CNTNAP5: variants seen among roughly 807,000 people sequenced by gnomAD.
CNTNAP5 encodes contactin-associated protein-like 5.
CNTNAP5 carries 72 observed loss-of-function variants against 150.2 expected under a neutral mutation model. That is an observed-to-expected ratio of 0.48 (90% CI 0.40 to 0.58). CNTNAP5 has a LOEUF of 0.58. CNTNAP5 is among the 20% of genes least tolerant of loss of function. The probability of loss-of-function intolerance (pLI) is 0.00; values close to 1 mark genes in which losing one functional copy is unlikely to be tolerated. For missense variants in CNTNAP5, 1,636 were observed against 1,626.2 expected (o/e 1.01, Z -0.10); for synonymous variants, 672 against 619.8 (o/e 1.08, Z -1.25).
intron 8 of CNTNAP5, 137 bp from the exon 9 acceptor site, chr2:124,524,166 G>A: frequency 1.5e-6 from 1 of 689,132 alleles, no homozygotes; most frequent in Non-Finnish European, 2.4e-6. Flanking sequence ...AATCTTCCAA[G>A]GGCTTGTATC....
chr2:124,414,598 C>A (rs964324670), intron 3 of CNTNAP5, among the ~76,000 whole-genome samples: 1 of 152,254 alleles, frequency 6.6e-6, no homozygotes, highest in East Asian at 1.9e-4. Flanking sequence ...CTCATTGGAG[C>A]ACACCATACA....
intron 17 of CNTNAP5, among the ~76,000 whole-genome samples, chr2:124,787,410 T>G (rs12474831): frequency 6.6e-6 from 1 of 152,012 alleles, no homozygotes; most frequent in Non-Finnish European, 1.5e-5. Flanking sequence ...CAGGAGAATG[T>G]AATTGGGGTT....
intron 2 of CNTNAP5, among the ~76,000 whole-genome samples, chr2:124,224,152 A>G (rs1686400033): frequency 6.6e-6 from 1 of 152,136 alleles, no homozygotes; most frequent in Admixed American, 6.6e-5. Context: ...AAGTGAAGAA[A>G]CAAAAGCTTC....
At chr2:124,763,837 A>G (rs769450772) in intron 15 of CNTNAP5, 38 bp downstream of exon 15, 54 of 1,611,888 alleles carry the variant, frequency 3.4e-5, no homozygotes, top group Non-Finnish European at 4.5e-5. Flanking sequence ...TCTCTGCATT[A>G]CATGAGCACA....
At chr2:124,883,057 T>C (rs895236530) in intron 21 of CNTNAP5, among the ~76,000 whole-genome samples, 2 of 135,808 alleles carry the variant, frequency 1.5e-5, no homozygotes, top group African/African-American at 5.5e-5. Flanking sequence ...TATCAATATA[T>C]ATCATCCATT....
intron 15 of CNTNAP5, 28 bp from the exon 16 acceptor site, chr2:124,763,949 C>A (rs1236614779): frequency 3.7e-6 from 6 of 1,606,326 alleles, no homozygotes; most frequent in Non-Finnish European, 5.1e-6. Context: ...AAACGATAAA[C>A]CATGTTGAAG....
At chr2:124,425,724 T>C (rs1169183347) in intron 4 of CNTNAP5, among the ~76,000 whole-genome samples, 1 of 152,118 alleles carries the variant, frequency 6.6e-6, no homozygotes, top group Non-Finnish European at 1.5e-5. Flanking sequence ...CCATAATGCT[T>C]CCCTGTACCG....
In CNTNAP5 at chr2:124,798,086, T is replaced by C. The variant is rs1473933489; in HGVS notation, c.2993-10T>C. The C allele has an allele frequency of 1.3e-6, 2 of 1,594,096 alleles. No individual in the cohort carries two copies. Among genetic ancestry groups the C allele is most frequent in the South Asian group, 1.1e-5 (1 of 88,856 alleles). The stretch of plus-strand genomic sequence containing the variant: ...TTTCAATGTGTGCTCTCCCCTCTTA[T>C]ATTTTGCAGAGGTTTCTGCTGTTTT... On this transcript the variant is annotated splice_polypyrimidine_tract_variant and intron_variant, in intron 18 of 23. Coordinates refer to ENST00000682447, the MANE Select transcript of CNTNAP5 (RefSeq NM_001367498.1).
intron 11 of CNTNAP5, among the ~76,000 whole-genome samples, chr2:124,573,485 C>T (rs1252401304): frequency 6.6e-6 from 1 of 152,156 alleles, no homozygotes; most frequent in East Asian, 1.9e-4. Flanking sequence ...TAGCTTTGTT[C>T]CAAACCCCTA....
intron 20 of CNTNAP5, 140 bp from the exon 21 acceptor site, chr2:124,869,535 C>T (rs1375041883): frequency 6.7e-6 from 4 of 593,998 alleles, no homozygotes; most frequent in Non-Finnish European, 1.2e-5. Context: ...CGAGACCTGT[C>T]TAATCTCTCC....
chr2:124,878,570 A>G (rs1438788563), intron 21 of CNTNAP5, among the ~76,000 whole-genome samples: 1 of 151,712 alleles, frequency 6.6e-6, no homozygotes, highest in Non-Finnish European at 1.5e-5. Context: ...CTTAAATTTT[A>G]CTCTTCTCTC....
intron 19 of CNTNAP5, among the ~76,000 whole-genome samples, chr2:124,817,592 T>A (rs959526467): frequency 2.6e-5 from 4 of 152,180 alleles, no homozygotes; most frequent in Non-Finnish European, 5.9e-5. Flanking sequence ...GCTATAAAAC[T>A]CATTGGATGA....
In CNTNAP5 at chr2:124,790,147, T is replaced by G; in HGVS notation, c.2992+6T>G. On this transcript the variant is annotated splice_donor_region_variant and intron_variant, in intron 18 of 23. Transcript: ENST00000682447. ...AGGGCCCTTTTGCAAAAAAGGTACC[T>G]TAGGCGCTCCTGTTTCTCCTGAGTG... 1 of 1,607,466 alleles carries G rather than the reference T, an allele frequency of 6.2e-7. No homozygotes were observed. Among genetic ancestry groups the G allele is most frequent in the Non-Finnish European group, 8.5e-7 (1 of 1,176,534 alleles).
In CNTNAP5 at chr2:124,228,030, C is replaced by A. The variant is rs544959931; in HGVS notation, c.187+6221C>A. Reference sequence around the variant, plus strand: ...GCCAAGAAGTCCCAGGATATGCTGTCTGTAAGCTGGAGAAGAGGGAGGCTG... The same window carrying A: ...GCCAAGAAGTCCCAGGATATGCTGTATGTAAGCTGGAGAAGAGGGAGGCTG... On this transcript the variant is annotated intron_variant, in intron 2 of 23. Transcript: ENST00000682447. Among the ~76,000 whole-genome samples the A allele has an allele frequency of 6.6e-5, 10 of 152,128 alleles. No homozygotes were observed. The East Asian group carries it at 1.9e-3, about 29-fold the overall frequency.
intron 3 of CNTNAP5, among the ~76,000 whole-genome samples, chr2:124,386,384 G>T (rs140944784): frequency 7.9e-5 from 12 of 152,264 alleles, no homozygotes; most frequent in African/African-American, 2.9e-4. Context: ...GTTTAATCTA[G>T]TTCTCACCCT....
At chr2:124,487,629 C>T (rs1038594543) in intron 7 of CNTNAP5, among the ~76,000 whole-genome samples, 7 of 151,910 alleles carry the variant, frequency 4.6e-5, no homozygotes, top group South Asian at 2.1e-4. Context: ...CCCATACACA[C>T]GGAATGAGCT....
chr2:124,410,391 T>A (rs1421225965), intron 3 of CNTNAP5, among the ~76,000 whole-genome samples: 5 of 151,704 alleles, frequency 3.3e-5, no homozygotes, highest in African/African-American at 1.2e-4. Context: ...AATAGACATG[T>A]ACAGAACTCT....
intron 1 of CNTNAP5, among the ~76,000 whole-genome samples, chr2:124,130,999 A>G (rs1053611453): frequency 2.0e-5 from 3 of 152,208 alleles, no homozygotes; most frequent in Non-Finnish European, 2.9e-5. Context: ...GAATATTCAC[A>G]TAAATATTAT....
At chr2:124,449,801 G>A (rs1040543887) in intron 6 of CNTNAP5, among the ~76,000 whole-genome samples, 5 of 152,030 alleles carry the variant, frequency 3.3e-5, no homozygotes, top group African/African-American at 7.3e-5. Context: ...CTGTAATAGC[G>A]GCGTTTGACA....
Sources: allele counts gnomAD v4.1 joint callset (sites outside exome capture counted in the v4.1 genomes callset), GRCh38; gene constraint gnomAD v4.1.1; transcripts MANE v1.5; gene names NCBI Gene and HGNC (gene_info 2026-07-23, HGNC 2026-07-21).